USP6NL: variants seen among roughly 807,000 people sequenced by gnomAD.
The protein encoded by USP6NL is USP6 N-terminal like.
A neutral mutation model predicts 61.9 loss-of-function variants in USP6NL; 26 were observed. The observed-to-expected ratio is 0.42, with a 90% CI of 0.31 to 0.58. The LOEUF is 0.58. Among genes scored for constraint, USP6NL ranks in the 20% least tolerant of loss-of-function variants. The pLI is 0.16. For synonymous variants in USP6NL, 432 were observed against 390.1 expected (o/e 1.11, Z -1.27); for missense variants, 1,114 against 1,034.3 (o/e 1.08, Z -1.06).
intron 1 of USP6NL, among the ~76,000 whole-genome samples, chr10:11,601,279 T>C (rs1465432825): frequency 2.0e-5 from 3 of 152,154 alleles, no homozygotes; most frequent in African/African-American, 7.2e-5. Context: ...ATACCACTTA[T>C]ATAACAGTCC....
chr10:11,500,928 T>C (rs1010533117), intron 7 of USP6NL, among the ~76,000 whole-genome samples, 173 bp downstream of exon 7: 4 of 152,236 alleles, frequency 2.6e-5, no homozygotes, highest in African/African-American at 9.6e-5. Context: ...TATTTAAAAT[T>C]TAAGAAGTAT....
chr10:11,532,224 AG>A lies in USP6NL; in HGVS notation c.5-4658del. The A allele has an allele frequency of 6.2e-7, 1 of 1,603,594 alleles. No homozygotes were observed. Among genetic ancestry groups the A allele is most frequent in the Non-Finnish European group, 8.5e-7 (1 of 1,174,582 alleles). ...GGCCTTGGGAATTAACAACAGCTTC[AG>A]TCCTCATAGAGTAACTTATCTATTC... On this transcript the variant is annotated intron_variant, in intron 2 of 14. Coordinates refer to ENST00000609104, the MANE Select transcript of USP6NL (RefSeq NM_014688.5). The surrounding 1 kb of genome is among the most constrained non-coding windows in gnomAD (Gnocchi z 4.1).
At chr10:11,536,787 T>C (rs1835850958) in intron 2 of USP6NL, among the ~76,000 whole-genome samples, 1 of 152,224 alleles carries the variant, frequency 6.6e-6, no homozygotes, top group Non-Finnish European at 1.5e-5. Flanking sequence ...AACAAATGCC[T>C]TTTCAAAAAC....
In USP6NL at chr10:11,481,234, A is replaced by T. The variant is rs1010455410; in HGVS notation, c.1078+536T>A. The stretch of plus-strand genomic sequence containing the variant: ...TTACAATAAGTGAATAAAATATATT[A>T]TCTATACTGTAGCATACTACAAAGA... On this transcript the variant is annotated intron_variant, in intron 14 of 14. Transcript: ENST00000609104. This position sits in a 1 kb window ranked among gnomAD's most constrained non-coding sequence, Gnocchi z 4.4. Among the ~76,000 whole-genome samples the T allele has an allele frequency of 2.0e-5, 3 of 152,218 alleles. No homozygotes were observed. Among genetic ancestry groups the T allele is most frequent in the African/African-American group, 7.2e-5 (3 of 41,458 alleles).
intron 2 of USP6NL, chr10:11,573,847 G>C (rs1336919273): frequency 2.6e-6 from 1 of 391,102 alleles, no homozygotes; most frequent in African/African-American, 2.1e-5. Context: ...CAGTTAATAA[G>C]AAACAACGAA....
At position 11,485,579 on chromosome 10, in the gene USP6NL, T is replaced by C. The variant is rs1440286019; in HGVS notation, c.759+238A>G. ...GATCCCATATCTTTAAATTATCACA[T>C]TGTTTGTATCATTAGCTTCAAAGAA... On this transcript the variant is annotated intron_variant, in intron 11 of 14. Transcript: ENST00000609104. This position sits in a 1 kb window ranked among gnomAD's most constrained non-coding sequence, Gnocchi z 4.8. Among the ~76,000 whole-genome samples the C allele has an allele frequency of 6.6e-6, 1 of 152,192 alleles. No individual in the cohort carries two copies. The highest frequency in any genetic ancestry group is 1.5e-5 in the Non-Finnish European group (1 of 68,016).
chr10:11,572,147 T>TA (rs1221521481), intron 2 of USP6NL, among the ~76,000 whole-genome samples: 7 of 151,580 alleles, frequency 4.6e-5, no homozygotes, highest in African/African-American at 1.7e-4. Flanking sequence ...AAACAAAAAC[T>TA]AAAAAAAATT....
At chr10:11,515,122 C>T (rs528390944) in intron 5 of USP6NL, among the ~76,000 whole-genome samples, 91 of 152,272 alleles carry the variant, frequency 6.0e-4, no homozygotes, top group African/African-American at 2.2e-3. Flanking sequence ...CTCTCAACCT[C>T]CAGTGATCTG....
At chr10:11,467,951 C>T (rs1156741841) in intron 14 of USP6NL, among the ~76,000 whole-genome samples, 2 of 152,134 alleles carry the variant, frequency 1.3e-5, no homozygotes, top group African/African-American at 4.8e-5. Context: ...ATATTTTTAG[C>T]TTATCCAAAA....
rs1468295037 is a variant in USP6NL at position 11,501,294 on chromosome 10, G to A, written c.277-86C>T. ...CAGTTAATCTTGCTAATATTTGTTAGCATTGTATTTTCAAAGCATCTATGG... is the reference window on the plus strand; with the variant it reads ...CAGTTAATCTTGCTAATATTTGTTAACATTGTATTTTCAAAGCATCTATGG... On this transcript the variant is annotated intron_variant, in intron 6 of 14. Coordinates refer to ENST00000609104, the MANE Select transcript of USP6NL (RefSeq NM_014688.5). 6 of 1,080,328 alleles carry A rather than the reference G, an allele frequency of 5.6e-6. No homozygotes were observed. In the East Asian group the frequency reaches 1.5e-4, roughly 28 times the overall value. The allele number at this position is 1,080,328 out of a possible 1,614,324, so 66.9% of individuals were successfully genotyped here.
intron 2 of USP6NL, among the ~76,000 whole-genome samples, chr10:11,555,109 G>GTTTT (rs1187617728): frequency 1.2e-5 from 1 of 85,572 alleles, no homozygotes; most frequent in Admixed American, 1.2e-4. Flanking sequence ...TTTTTTTTTG[G>GTTTT]TTTTTTTTTT....
At chr10:11,603,028 TTC>T (rs1838595839) in intron 1 of USP6NL, among the ~76,000 whole-genome samples, 1 of 152,236 alleles carries the variant, frequency 6.6e-6, no homozygotes, top group Admixed American at 6.5e-5. Flanking sequence ...AAAGCAAATC[TTC>T]TGTCATTGCT....
intron 2 of USP6NL, among the ~76,000 whole-genome samples, chr10:11,529,403 C>A (rs1199909186): frequency 6.6e-6 from 1 of 152,190 alleles, no homozygotes; most frequent in East Asian, 1.9e-4. Context: ...CATATCCTTA[C>A]CCAGCACTAC....
rs558307080 is a variant in USP6NL, at chr10:11,535,736, C to T, written c.5-8169G>A. ...TGTGTCTTTCAACCAAATTCACTGGCGCCTCTTAGTTACGTTTTTAGTTGT... is the reference window on the plus strand; with the variant it reads ...TGTGTCTTTCAACCAAATTCACTGGTGCCTCTTAGTTACGTTTTTAGTTGT... On this transcript the variant is annotated intron_variant, in intron 2 of 14. Coordinates refer to ENST00000609104, the MANE Select transcript of USP6NL (RefSeq NM_014688.5). 7.0e-4 allele frequency among the ~76,000 whole-genome samples: 106 copies of T among 152,182 alleles called. 1 individual carries two copies. The highest frequency in any genetic ancestry group is 3.3e-4 in the Admixed American group (5 of 15,290).
Position 11,468,073 on chromosome 10 carries a change from G to A in USP6NL, c.1079-4224C>T, listed in dbSNP as rs1035177813. ...AGTCAGATTAATCAAGTATGGCATCGCTTGATGGAGTCATGATGAGTGATC... is the reference window on the plus strand; with the variant it reads ...AGTCAGATTAATCAAGTATGGCATCACTTGATGGAGTCATGATGAGTGATC... On this transcript the variant is annotated intron_variant, in intron 14 of 14. Transcript: ENST00000609104. This position sits in a 1 kb window ranked among gnomAD's most constrained non-coding sequence, Gnocchi z 4.5. 1.3e-5 allele frequency among the ~76,000 whole-genome samples: 2 copies of A among 152,162 alleles called. No individual in the cohort carries two copies. The highest frequency in any genetic ancestry group is 1.9e-4 in the East Asian group (1 of 5,206).
At chr10:11,556,602 GA>G (rs1836714699) in intron 2 of USP6NL, among the ~76,000 whole-genome samples, 1 of 152,138 alleles carries the variant, frequency 6.6e-6, no homozygotes, top group South Asian at 2.1e-4. Context: ...ATGTAAGCAT[GA>G]AACTAAAGAA....
At position 11,600,256 on chromosome 10, in the gene USP6NL, T is replaced by G. The variant is rs1324798198; in HGVS notation, c.-83-2539A>C. 1.3e-5 allele frequency among the ~76,000 whole-genome samples: 2 copies of G among 152,218 alleles called. No homozygotes were observed. Among genetic ancestry groups the G allele is most frequent in the African/African-American group, 4.8e-5 (2 of 41,456 alleles). The stretch of plus-strand genomic sequence containing the variant: ...CTCTAAGTCTAAGGGCGTGGCCATA[T>G]GACTTGCTGGAATGGTTCTAACTGG... On this transcript the variant is annotated intron_variant, in intron 1 of 14. Coordinates refer to ENST00000609104, the MANE Select transcript of USP6NL (RefSeq NM_014688.5). The surrounding 1 kb of genome is among the most constrained non-coding windows in gnomAD (Gnocchi z 4.1).
At position 11,462,190 on chromosome 10, in the gene USP6NL, G is replaced by A. The variant is rs979614888; in HGVS notation, c.*251C>T. On this transcript the variant is annotated 3_prime_UTR_variant, in exon 15 of 15. Coordinates refer to ENST00000609104, the MANE Select transcript of USP6NL (RefSeq NM_014688.5). ...ACTGAGTAATAAATTACCACTGTGC[G>A]TGCATCCCTAAATGCTATTGCGATG... is the stretch of plus-strand genomic sequence containing the variant. 7 of 465,894 alleles carry A rather than the reference G, an allele frequency of 1.5e-5. No individual in the cohort carries two copies. The highest frequency in any genetic ancestry group is 2.6e-5 in the Non-Finnish European group (7 of 265,118). 28.9% of individuals were successfully genotyped at this position (465,894 alleles called of 1,614,324 possible).
In USP6NL at chr10:11,485,635, C is replaced by A. The variant is rs114646027; in HGVS notation, c.759+182G>T. On this transcript the variant is annotated intron_variant, in intron 11 of 14. Coordinates refer to ENST00000609104, the MANE Select transcript of USP6NL (RefSeq NM_014688.5). The surrounding 1 kb of genome is among the most constrained non-coding windows in gnomAD (Gnocchi z 4.8). ...AATCCCTCAGTAAGAACTGTGATAG[C>A]CTGTCAATATTAAATTTTACAAATC... is the stretch of plus-strand genomic sequence containing the variant. Among the ~76,000 whole-genome samples, 113 of 152,192 alleles carry A rather than the reference C, an allele frequency of 7.4e-4. No homozygotes were observed. The highest frequency in any genetic ancestry group is 2.7e-3 in the African/African-American group (112 of 41,544).
Sources: gnomAD v4.1 joint callset for allele counts (sites outside exome capture counted in the v4.1 genomes callset) on GRCh38, gnomAD v4.1.1 for gene constraint, Gnocchi (gnomAD v3.1) non-coding constraint, MANE v1.5 for transcripts, NCBI Gene and HGNC (gene_info 2026-07-23, HGNC 2026-07-21) for gene names.